Variants in ERG observed in about 807,000 individuals in gnomAD.
ERG encodes transcriptional regulator ERG.
ERG carries 9 observed loss-of-function variants against 55.3 expected under a neutral mutation model. That is an observed-to-expected ratio of 0.16 (90% CI 0.10 to 0.28). The LOEUF is 0.28. ERG is among the 10% of genes least tolerant of loss of function. The pLI, the probability that ERG is intolerant of heterozygous loss-of-function variation, is 1.00. For synonymous variants in ERG, 223 were observed against 237.3 expected, an observed-to-expected ratio of 0.94 and a Z score of 0.55; for missense variants, 434 against 631.6, an observed-to-expected ratio of 0.69 and a Z score of 3.35.
At position 38,445,552 on chromosome 21, in the gene ERG, T is replaced by C. The variant is rs775054246; in HGVS notation, c.88A>G (p.Lys30Glu). 1.2e-6 allele frequency: 2 copies of C among 1,613,992 alleles called. No homozygotes were observed. The highest frequency in any genetic ancestry group is 1.7e-5 in the Admixed American group (1 of 59,992). The change falls in exon 2 of 10, where the codon AAG becomes GAG. Residue 30 changes from lysine to glutamate, a missense_variant. By Grantham distance (56) the Lys-to-Glu change is moderately conservative. Coordinates refer to ENST00000288319, the MANE Select transcript of ERG (RefSeq NM_182918.4). ...GAGGAGGACGCGGTCATCTCTGTCT[T>C]AGCCAGGTGTGGCGTTCCGTAGGCA... ...ECAYGTPHLA[K>E]TEMTASSSSD...
At chr21:38,450,481 T>G (rs1006225417) in intron 1 of ERG, among the ~76,000 whole-genome samples, 3 of 152,216 alleles carry the variant, frequency 2.0e-5, no homozygotes, top group Non-Finnish European at 4.4e-5. Flanking sequence ...GAAGCCAGCA[T>G]CATCTTCAAT....
At chr21:38,489,885 C>A (rs143055316) in intron 1 of ERG, among the ~76,000 whole-genome samples, 20 of 152,196 alleles carry the variant, frequency 1.3e-4, no homozygotes, top group African/African-American at 4.3e-4. Context: ...AGGAGGGGTC[C>A]CCCTCATCAT....
intron 1 of ERG, among the ~76,000 whole-genome samples, chr21:38,448,783 C>G (rs541274413): frequency 6.6e-6 from 1 of 152,188 alleles, no homozygotes; most frequent in Non-Finnish European, 1.5e-5. Flanking sequence ...AATGGACACA[C>G]GCTGCTGCAT....
At chr21:38,386,839 A>G (rs1199702940) in intron 9 of ERG, among the ~76,000 whole-genome samples, 1 of 151,792 alleles carries the variant, frequency 6.6e-6, no homozygotes, top group Non-Finnish European at 1.5e-5. Context: ...GTCAGTAAGG[A>G]GGAACTAATT....
At chr21:38,459,259 C>T (rs1488345453) in intron 1 of ERG, among the ~76,000 whole-genome samples, 1 of 152,186 alleles carries the variant, frequency 6.6e-6, no homozygotes, top group African/African-American at 2.4e-5. Flanking sequence ...ACTTGTTTCC[C>T]AAGGCCACAT....
intron 1 of ERG, among the ~76,000 whole-genome samples, chr21:38,579,472 C>T (rs1419066600): frequency 1.3e-5 from 2 of 152,008 alleles, no homozygotes; most frequent in Non-Finnish European, 2.9e-5. Context: ...CCCAGTGAGG[C>T]GTGTGGATAT....
At chr21:38,507,986 G>GAC (rs1418972839) in intron 2 of ERG, among the ~76,000 whole-genome samples, 2 of 28,450 alleles carry the variant, frequency 7.0e-5, no homozygotes, top group Non-Finnish European at 1.6e-4. Context: ...GAGACACACA[G>GAC]ACACACACAC....
chr21:38,573,187 G>A (rs1291401853), intron 2 of ERG, among the ~76,000 whole-genome samples: 2 of 152,234 alleles, frequency 1.3e-5, no homozygotes, highest in African/African-American at 4.8e-5. Context: ...GCGGAAAGCC[G>A]CAGGGACCTC....
At chr21:38,458,423 CAAAAAA>C (rs35307490) in intron 1 of ERG, among the ~76,000 whole-genome samples, 4 of 83,730 alleles carry the variant, frequency 4.8e-5, no homozygotes, top group South Asian at 3.7e-4. Context: ...GACTCTGGCT[CAAAAAA>C]AAAAAAAAAA....
chr21:38,543,661 TAA>T (rs1856392413), intron 2 of ERG, among the ~76,000 whole-genome samples: 1 of 147,656 alleles, frequency 6.8e-6, no homozygotes, highest in Non-Finnish European at 1.5e-5. Context: ...AAGAAAAAAA[TAA>T]AAGAGTAAAG....
rs544037525 is a variant in ERG, at chr21:38,480,591, C to CTTT, written c.18+17769_18+17771dup. 4.4e-3 allele frequency among the ~76,000 whole-genome samples: 225 copies of CTTT among 51,106 alleles called. 35 individuals are homozygous for CTTT. Among genetic ancestry groups the CTTT allele is most frequent in the African/African-American group, 0.011 (143 of 12,852 alleles). 33.5% of individuals were successfully genotyped at this position (51,106 alleles called of 152,430 possible). A position where few individuals can be genotyped will look rare whatever the true frequency, so the allele number is the denominator to read the frequency against. ...TTGCCACTTTAGGGCACTATATGGC[C>CTTT]TTTTTTTTTTTTTTTTTTTTTTTGC... On this transcript the variant is annotated intron_variant, in intron 1 of 9. Coordinates refer to ENST00000288319, the MANE Select transcript of ERG (RefSeq NM_182918.4).
At chr21:38,423,630 A>G in intron 2 of ERG, 69 bp from the exon 3 acceptor site, 1 of 1,477,640 alleles carries the variant, frequency 6.8e-7, no homozygotes, top group Non-Finnish European at 9.2e-7. Context: ...ACTTCTCACA[A>G]TACACAGAGA....
At chr21:38,517,350 G>GA (rs907918105) in intron 2 of ERG, among the ~76,000 whole-genome samples, 2 of 151,560 alleles carry the variant, frequency 1.3e-5, no homozygotes, top group African/African-American at 2.4e-5. Context: ...TCAAGCATAT[G>GA]AAAAAAAATA....
At chr21:38,533,536 A>G (rs955042695) in intron 2 of ERG, among the ~76,000 whole-genome samples, 15 of 152,202 alleles carry the variant, frequency 9.9e-5, no homozygotes, top group Non-Finnish European at 1.3e-4. Context: ...GTTTAAATTA[A>G]TATATTTGGC....
At chr21:38,433,256 G>A (rs62217939) in intron 2 of ERG, among the ~76,000 whole-genome samples, 16,136 of 152,216 alleles carry the variant, frequency 0.11, 1,092 homozygotes, top group South Asian at 0.18. Flanking sequence ...CGAGACAGCC[G>A]AGTGGGAGTG....
chr21:38,536,726 T>C (rs1276794177), intron 2 of ERG, among the ~76,000 whole-genome samples: 1 of 152,210 alleles, frequency 6.6e-6, no homozygotes. Flanking sequence ...AAAGTGAAAA[T>C]TGTGCAAATC....
At chr21:38,459,692 C>A (rs1264348256) in intron 1 of ERG, among the ~76,000 whole-genome samples, 3 of 152,126 alleles carry the variant, frequency 2.0e-5, no homozygotes, top group African/African-American at 7.2e-5. Context: ...TTCTAGTCTC[C>A]ACTAGAAATC....
At chr21:38,562,237 G>A (rs958632299) in intron 2 of ERG, among the ~76,000 whole-genome samples, 3 of 151,970 alleles carry the variant, frequency 2.0e-5, no homozygotes, top group Admixed American at 6.6e-5. Flanking sequence ...ATACATACAC[G>A]CACATATATA....
intron 2 of ERG, among the ~76,000 whole-genome samples, chr21:38,435,131 G>A (rs1373658368): frequency 6.6e-6 from 1 of 152,176 alleles, no homozygotes; most frequent in South Asian, 2.1e-4. Context: ...CCCCCACAAG[G>A]AGGCTGGCCC....
Sources: gnomAD v4.1 joint callset for allele counts (sites outside exome capture counted in the v4.1 genomes callset) on GRCh38, gnomAD v4.1.1 for gene constraint, MANE v1.5 for transcripts, NCBI Gene and HGNC (gene_info 2026-07-23, HGNC 2026-07-21) for gene names.